Variants in ZNF77 observed in about 807,000 individuals in gnomAD.
The protein encoded by ZNF77 is ZNFpT1.
In ZNF77, 15 loss-of-function variants were observed where a neutral mutation model predicts 13.5. The ratio of observed to expected loss-of-function variants is 1.11; its 90% CI spans 0.74 to 1.71. The LOEUF is 1.71. Among genes scored for constraint, ZNF77 ranks in the 40% most tolerant of loss-of-function variants. ZNF77 has a pLI of 0.00. For missense variants in ZNF77, 717 were observed against 676.4 expected (o/e 1.06, Z -0.67); for synonymous variants, 282 against 250.0 (o/e 1.13, Z -1.21).
chr19:2,934,812 A>T lies in ZNF77; in HGVS notation c.315T>A (p.Ser105Arg), dbSNP rs1368264065. The change falls in exon 4 of 4, where the codon AGT becomes AGA. Residue 105 changes from serine (S) to arginine (R), a missense_variant. By Grantham distance (110) the Ser-to-Arg change is moderately radical. Coordinates refer to ENST00000314531, the MANE Select transcript of ZNF77 (RefSeq NM_021217.3). ...QHQIPQRHLR[S>R]QLGRLCESNE... ...TACTTTCACAGAGTCTCCCCAGCTG[A>T]CTTCTGTTCAAAATGGGAAGCAAGC... is the stretch of plus-strand genomic sequence containing the variant. 6.3e-7 allele frequency: 1 copy of T among 1,597,304 alleles called. No individual in the cohort carries two copies. Among genetic ancestry groups the T allele is most frequent in the African/African-American group, 1.3e-5 (1 of 74,478 alleles).
chr19:2,939,330 G>A lies in ZNF77; in HGVS notation c.81C>T (p.Ser27=), dbSNP rs1293342379. ...TCTCCAGCATCACATCTCTGTAGAGGCTCCTCTGAGCATGATCCAGCAATG... is the reference window on the plus strand; with the variant it reads ...TCTCCAGCATCACATCTCTGTAGAGACTCCTCTGAGCATGATCCAGCAATG... ...EWALLDHAQR[S]LYRDVMLETC... The change falls in exon 2 of 4, where the codon AGC becomes AGT. Residue 27 remains serine, a synonymous_variant. Transcript: ENST00000314531. 2 of 1,614,172 alleles carry A rather than the reference G, an allele frequency of 1.2e-6. No homozygotes were observed. The highest frequency in any genetic ancestry group is 2.2e-5 in the East Asian group (1 of 44,884).
intron 1 of ZNF77, among the ~76,000 whole-genome samples, chr19:2,943,546 ACCT>A (rs1410893320): frequency 6.6e-6 from 1 of 150,860 alleles, no homozygotes. Flanking sequence ...TTTACTGTCA[ACCT>A]CCTTTCTGCT....
chr19:2,935,078 G>C lies in ZNF77; in HGVS notation c.312-263C>G, dbSNP rs534797943. On this transcript the variant is annotated intron_variant, in intron 3 of 3. Transcript: ENST00000314531. The stretch of plus-strand genomic sequence containing the variant: ...CTGTCACCCAGGCTGGAGTGCAGTG[G>C]CGCCATCTCGGCTCACTGCAAGCTC... 3.9e-5 allele frequency among the ~76,000 whole-genome samples: 6 copies of C among 152,208 alleles called. No individual in the cohort carries two copies. In the South Asian group the frequency reaches 1.2e-3, roughly 32 times the overall value.
chr19:2,934,120 T>G lies in ZNF77; in HGVS notation c.1007A>C (p.Tyr336Ser). The G allele has an allele frequency of 6.2e-7, 1 of 1,613,660 alleles. No homozygotes were observed. Among genetic ancestry groups the G allele is most frequent in the Non-Finnish European group, 8.5e-7 (1 of 1,179,874 alleles). Residue 336 changes from tyrosine to serine, a missense_variant, in exon 4 of 4, where the codon TAC (tyrosine) becomes TCC (serine). Coordinates refer to ENST00000314531, the MANE Select transcript of ZNF77 (RefSeq NM_021217.3). ...TCTCCCATGTTCTCGAAGAGACGAG[T>G]AACAAGTGAACGCTTTTCCGCAATG... The part of the protein sequence containing the change: ...CKHCGKAFTC[Y>S]SSLREHGRTH...
At chr19:2,936,799 A>G (rs757401061) in intron 2 of ZNF77, 95 bp from the exon 3 acceptor site, 12 of 1,156,630 alleles carry the variant, frequency 1.0e-5, no homozygotes, top group Non-Finnish European at 1.5e-5. Context: ...TAATCCAAAA[A>G]TGTACCGTTT....
In ZNF77 at chr19:2,941,868, C is replaced by T. The variant is rs147358425; in HGVS notation, c.4-2461G>A. On this transcript the variant is annotated intron_variant, in intron 1 of 3. Coordinates refer to ENST00000314531, the MANE Select transcript of ZNF77 (RefSeq NM_021217.3). ...GTTTTCAATCCACACCTTCGCCCACCTCACAATATGGCATGGGGCTGTGTG... is the reference window on the plus strand; with the variant it reads ...GTTTTCAATCCACACCTTCGCCCACTTCACAATATGGCATGGGGCTGTGTG... Among the ~76,000 whole-genome samples, 766 of 152,228 alleles carry T rather than the reference C, an allele frequency of 5.0e-3. 6 individuals are homozygous for T. The highest frequency in any genetic ancestry group is 6.7e-3 in the Non-Finnish European group (456 of 68,022).
intron 1 of ZNF77, among the ~76,000 whole-genome samples, chr19:2,941,437 A>C (rs1040303056): frequency 6.6e-6 from 1 of 152,092 alleles, no homozygotes; most frequent in African/African-American, 2.4e-5. Context: ...AGATCAAGCC[A>C]CTGCACTCTA....
rs1371901234 is a variant in ZNF77 at position 2,944,885 on chromosome 19, C to A, written c.-45G>T. ...TCTCCAGGGTTAGCGCCCCGCGGTC[C>A]AGCGACCGGCGCAGGTGAGCACGAC... On this transcript the variant is annotated 5_prime_UTR_variant, in exon 1 of 4. Transcript: ENST00000314531. 6.6e-7 allele frequency: 1 copy of A among 1,521,308 alleles called. No homozygotes were observed. The highest frequency in any genetic ancestry group is 8.8e-7 in the Non-Finnish European group (1 of 1,140,484). 94.2% of individuals were successfully genotyped at this position (1,521,308 alleles called of 1,614,324 possible). A position where few individuals can be genotyped will look rare whatever the true frequency, so the allele number is the denominator to read the frequency against.
chr19:2,935,759 G>T (rs1017773967), intron 3 of ZNF77, among the ~76,000 whole-genome samples: 9 of 152,156 alleles, frequency 5.9e-5, no homozygotes. Context: ...AATCACACTT[G>T]TAATCCCAGC....
rs750170432 is a variant in ZNF77 at position 2,933,505 on chromosome 19, G to A, written c.1622C>T (p.Thr541Ile). Reference sequence around the variant, plus strand: ...TTCGTAGATTCACGCTCCAGCATGTGTTCTCACATGTGCTTGAAGCGATGC... The same window carrying A: ...TTCGTAGATTCACGCTCCAGCATGTATTCTCACATGTGCTTGAAGCGATGC... ...YLASLQAHVRTHAGA is the reference protein window; with the variant it reads ...YLASLQAHVRIHAGA Residue 541 changes from threonine to isoleucine, a missense_variant, in exon 4 of 4, where the codon ACA (threonine) becomes ATA (isoleucine). Thr to Ile is a moderately conservative substitution (Grantham distance 89, BLOSUM62 -1). Coordinates refer to ENST00000314531, the MANE Select transcript of ZNF77 (RefSeq NM_021217.3). 14 of 1,577,364 alleles carry A rather than the reference G, an allele frequency of 8.9e-6. No individual in the cohort carries two copies. The South Asian group carries it at 1.2e-4, about 13-fold the overall frequency.
chr19:2,944,748 A>T (rs1456867565), intron 1 of ZNF77, 90 bp downstream of exon 1: 13 of 1,448,570 alleles, frequency 9.0e-6, no homozygotes, highest in Non-Finnish European at 1.2e-5. Flanking sequence ...CGCGTCCCTC[A>T]GCTTTCTCCG....
intron 3 of ZNF77, among the ~76,000 whole-genome samples, chr19:2,935,391 C>G (rs2088387456): frequency 6.8e-6 from 1 of 147,444 alleles, no homozygotes; most frequent in Admixed American, 6.9e-5. Flanking sequence ...GATCTCAGCT[C>G]ACCGCAACCT....
At position 2,934,243 on chromosome 19, in the gene ZNF77, G is replaced by C. The variant is rs141673139; in HGVS notation, c.884C>G (p.Pro295Arg). The C allele has an allele frequency of 1.2e-6, 2 of 1,614,090 alleles. No individual in the cohort carries two copies. The highest frequency in any genetic ancestry group is 1.7e-5 in the Admixed American group (1 of 60,006). Residue 295 changes from proline (P) to arginine (R), a missense_variant, in exon 4 of 4, where the codon CCG becomes CGG. Physicochemically the swap from Pro to Arg is moderately radical, Grantham distance 103 (BLOSUM62 -2). Coordinates refer to ENST00000314531, the MANE Select transcript of ZNF77 (RefSeq NM_021217.3). ...TTTTCCACAATGCTTACATTCATAC[G>C]GTTTCTCTCCAGTGTGTGTTCTGAC... ...EHVRTHTGEK[P>R]YECKHCGKSF...
Position 2,936,646 on chromosome 19 carries a change from A to G in ZNF77, c.189T>C (p.Asn63=). 1.2e-6 allele frequency: 2 copies of G among 1,610,426 alleles called. No individual in the cohort carries two copies. Among genetic ancestry groups the G allele is most frequent in the South Asian group, 1.1e-5 (1 of 89,758 alleles). Residue 63 remains asparagine, a synonymous_variant, in exon 3 of 4, where the codon AAT becomes AAC. Transcript: ENST00000314531. ...CAATCTCTTCATCATTGGATATTCC[A>G]TTCCCAAAAACGTCCCTCTGAGAAC... is the stretch of plus-strand genomic sequence containing the variant. The part of the protein sequence containing the change: ...GSSSQRDVFG[N]GISNDEEIVK...
chr19:2,939,220 C>G (rs1568193776), intron 2 of ZNF77, 61 bp downstream of exon 2: 2 of 1,119,662 alleles, frequency 1.8e-6, no homozygotes, highest in African/African-American at 3.6e-5. Flanking sequence ...CCCAAGGAGG[C>G]AGTGAGGGAA....
intron 2 of ZNF77, 146 bp downstream of exon 2, chr19:2,939,135 C>T (rs2088426467): frequency 4.2e-6 from 1 of 239,066 alleles, no homozygotes; most frequent in African/African-American, 6.0e-5. Context: ...ATGACGCCAC[C>T]CTTACCCAAG....
intron 1 of ZNF77, 68 bp from the exon 2 acceptor site, chr19:2,939,475 G>T: frequency 6.3e-7 from 1 of 1,588,952 alleles, no homozygotes; most frequent in East Asian, 2.2e-5. Context: ...GAAGAGGGGT[G>T]AGGCTGACAG....
intron 2 of ZNF77, among the ~76,000 whole-genome samples, chr19:2,937,843 G>A (rs1019783794): frequency 2.0e-5 from 3 of 152,050 alleles, no homozygotes; most frequent in Admixed American, 6.6e-5. Flanking sequence ...TGCAACCTCC[G>A]TGTCCTGGGT....
At chr19:2,937,567 T>C (rs2088408557) in intron 2 of ZNF77, among the ~76,000 whole-genome samples, 1 of 151,718 alleles carries the variant, frequency 6.6e-6, no homozygotes, top group Non-Finnish European at 1.5e-5. Flanking sequence ...AGATGGAGAC[T>C]GATGTTTAGT....
Sources: gnomAD v4.1 joint callset for allele counts (sites outside exome capture counted in the v4.1 genomes callset) on GRCh38, gnomAD v4.1.1 for gene constraint, MANE v1.5 for transcripts, NCBI Gene and HGNC (gene_info 2026-07-23, HGNC 2026-07-21) for gene names.